Variants in KLF8 observed in about 807,000 individuals in gnomAD.
KLF8 encodes Krueppel-like factor 8.
KLF8 carries 10 observed loss-of-function variants against 18.2 expected under a neutral mutation model. That is an observed-to-expected ratio of 0.55 (90% CI 0.34 to 0.93). The LOEUF is 0.93. Ranked by LOEUF, KLF8 falls within the 40% of genes least tolerant of loss-of-function variation. The probability of loss-of-function intolerance (pLI) is 0.02; values close to 1 mark genes in which losing one functional copy is unlikely to be tolerated. For missense variants in KLF8, 264 were observed against 277.9 expected (o/e 0.95, Z 0.36); for synonymous variants, 109 against 97.3 (o/e 1.12, Z -0.71).
chrX:56,005,492 C>T, the KLF8 span, among the ~76,000 whole-genome samples: 7 of 111,569 alleles, frequency 6.3e-5, no homozygotes, highest in Non-Finnish European at 1.3e-4. Context: ...TTGCTGGTCT[C>T]CATGTGCATG....
the KLF8 span, among the ~76,000 whole-genome samples, chrX:55,989,641 G>A: frequency 5.4e-5 from 6 of 111,252 alleles, no homozygotes; most frequent in African/African-American, 9.9e-5. Context: ...GATGTTCGTC[G>A]GGGATATTGG....
chrX:55,932,704 CAT>C, the KLF8 span, among the ~76,000 whole-genome samples: 3 of 112,109 alleles, frequency 2.7e-5, no homozygotes, highest in African/African-American at 6.5e-5. Context: ...CCCCCACTCT[CAT>C]GTGGCTTGTA....
the KLF8 span, among the ~76,000 whole-genome samples, chrX:56,129,573 G>C: frequency 9.0e-6 from 1 of 111,614 alleles, no homozygotes; most frequent in African/African-American, 3.3e-5. Flanking sequence ...CAGGAGTCCT[G>C]TGGGAGGGCT....
At chrX:56,115,651 C>CA in the KLF8 span, among the ~76,000 whole-genome samples, 1 of 111,556 alleles carries the variant, frequency 9.0e-6, no homozygotes, top group African/African-American at 3.3e-5. Context: ...TCTTTCAGTG[C>CA]ACCAGATATA....
the KLF8 span, among the ~76,000 whole-genome samples, chrX:56,184,402 A>C: frequency 8.9e-6 from 1 of 112,690 alleles, no homozygotes. Context: ...ACCACAGCTC[A>C]AGGAGGCCTG....
chrX:56,080,343 G>T, the KLF8 span, among the ~76,000 whole-genome samples: 2 of 110,881 alleles, frequency 1.8e-5, no homozygotes, highest in Non-Finnish European at 3.8e-5. Flanking sequence ...AGGCAGACCT[G>T]GTGGTGACAA....
chrX:55,947,080 G>A, the KLF8 span, among the ~76,000 whole-genome samples: 1 of 111,321 alleles, frequency 9.0e-6, no homozygotes, highest in East Asian at 2.8e-4. Context: ...TCAGTGTGGC[G>A]ATTCCTCAGG....
the KLF8 span, among the ~76,000 whole-genome samples, chrX:56,187,368 G>A: frequency 1.8e-5 from 2 of 111,839 alleles, no homozygotes; most frequent in Non-Finnish European, 3.8e-5. Context: ...CTCTGAAATT[G>A]TGGCAATAAT....
At chrX:56,175,588 G>T in the KLF8 span, among the ~76,000 whole-genome samples, 2 of 111,671 alleles carry the variant, frequency 1.8e-5, no homozygotes, top group Admixed American at 9.6e-5. Context: ...TTTTGGGGTG[G>T]AGAGTTCTGT....
chrX:56,162,417 C>T, the KLF8 span, among the ~76,000 whole-genome samples: 1,371 of 112,065 alleles, frequency 0.012, 17 homozygotes, highest in African/African-American at 0.043. Context: ...TGGGCTCCAC[C>T]CAGTTCGAGT....
the KLF8 span, among the ~76,000 whole-genome samples, chrX:55,993,678 T>A: frequency 4.4e-3 from 494 of 111,836 alleles, 1 homozygote; most frequent in African/African-American, 0.015. Flanking sequence ...GATAGATTGG[T>A]ATCAGCTTTT....
chrX:55,959,829 G>C, the KLF8 span, among the ~76,000 whole-genome samples: 23,762 of 110,404 alleles, frequency 0.22, 5,411 homozygotes, highest in African/African-American at 0.69. Flanking sequence ...AGGATACGGT[G>C]CATGAAATTT....
At chrX:56,121,014 GTC>G in the KLF8 span, among the ~76,000 whole-genome samples, 2 of 109,565 alleles carry the variant, frequency 1.8e-5, no homozygotes, top group Non-Finnish European at 3.8e-5. Context: ...GTGAAACCCC[GTC>G]TCTACTGAAA....
the KLF8 span, among the ~76,000 whole-genome samples, chrX:56,149,438 G>A: frequency 9.9e-5 from 11 of 110,554 alleles, no homozygotes; most frequent in East Asian, 2.9e-3. Flanking sequence ...CTAGAAAGTG[G>A]AGGGGGGAGT....
the KLF8 span, among the ~76,000 whole-genome samples, chrX:56,160,986 G>A: frequency 4.5e-5 from 5 of 111,210 alleles, no homozygotes; most frequent in Admixed American, 4.8e-4. Flanking sequence ...TCCTAGCCTC[G>A]ATGGTCTTTA....
chrX:55,931,591 A>G, the KLF8 span, among the ~76,000 whole-genome samples: 1 of 111,699 alleles, frequency 9.0e-6, no homozygotes, highest in African/African-American at 3.3e-5. Context: ...TATTAGTTTC[A>G]GAGAATTTAT....
At chrX:56,272,334 C>A (rs921411885) in intron 5 of KLF8, among the ~76,000 whole-genome samples, 1 of 110,899 alleles carries the variant, frequency 9.0e-6, no homozygotes, top group Non-Finnish European at 1.9e-5. Context: ...TCTCAGCCAC[C>A]CGAGTAGCTG....
the KLF8 span, among the ~76,000 whole-genome samples, chrX:56,097,075 TC>T: frequency 1.8e-5 from 2 of 111,618 alleles, no homozygotes; most frequent in African/African-American, 3.2e-5. Flanking sequence ...CAAATCAGGT[TC>T]AACCATGTAC....
Position 56,237,510 on chromosome X carries a change from T to C in KLF8, c.7+4169T>C, listed in dbSNP as rs190221465. On this transcript the variant is annotated intron_variant, in intron 1 of 5. Transcript: ENST00000468660. ...TATTGTTCTCTACAACTTGCTTGTCTACTTAAAAATATACTTTGGAGATAT... is the reference window on the plus strand; with the variant it reads ...TATTGTTCTCTACAACTTGCTTGTCCACTTAAAAATATACTTTGGAGATAT... 9.0e-5 allele frequency among the ~76,000 whole-genome samples: 10 copies of C among 111,003 alleles called. No individual in the cohort carries two copies. The East Asian group carries it at 2.5e-3, about 28-fold the overall frequency.
Sources: allele counts gnomAD v4.1 joint callset (sites outside exome capture counted in the v4.1 genomes callset), GRCh38; gene constraint gnomAD v4.1.1; transcripts MANE v1.5; gene names NCBI Gene and HGNC (gene_info 2026-07-23, HGNC 2026-07-21).